The following MAPK10 variants were observed in gnomAD, a reference collection of about 807,000 sequenced individuals.
MAPK10 encodes the protein JNK3 alpha protein kinase.
Under a neutral mutation model 59.3 loss-of-function variants are expected in MAPK10, and 25 were observed. The ratio of observed to expected loss-of-function variants is 0.42; its 90% CI spans 0.31 to 0.59. The LOEUF is 0.59. Among genes scored for constraint, MAPK10 ranks in the 20% least tolerant of loss-of-function variants. The pLI, the probability that MAPK10 is intolerant of heterozygous loss-of-function variation, is 0.15. For synonymous variants in MAPK10, 190 were observed against 200.5 expected (o/e 0.95, Z 0.44); for missense variants, 351 against 568.9 (o/e 0.62, Z 3.90).
In MAPK10 at chr4:86,119,229, G is replaced by C. The variant is rs528087167; in HGVS notation, c.237-11877C>G. Among the ~76,000 whole-genome samples, 34 of 152,270 alleles carry C rather than the reference G, an allele frequency of 2.2e-4. No individual in the cohort carries two copies. The South Asian group carries it at 6.2e-3, about 28-fold the overall frequency. ...AAAGTAGGCTTATCAAAGTTTCAGA[G>C]ATGCACAGTGATTTTTGAGGGCCCT... On this transcript the variant is annotated intron_variant, in intron 4 of 13. Transcript: ENST00000641462.
intron 1 of MAPK10, among the ~76,000 whole-genome samples, chr4:86,470,800 T>C (rs1411031276): frequency 6.6e-6 from 1 of 152,206 alleles, no homozygotes; most frequent in African/African-American, 2.4e-5. Flanking sequence ...AAAAAATTAT[T>C]ATACAAGATA....
chr4:86,420,738 G>A (rs955165457), intron 1 of MAPK10, among the ~76,000 whole-genome samples: 3 of 152,232 alleles, frequency 2.0e-5, no homozygotes, highest in South Asian at 2.1e-4. Flanking sequence ...GCAGTGAGTC[G>A]AGATCACGCC....
At chr4:86,269,130 A>G (rs1175540787) in intron 2 of MAPK10, among the ~76,000 whole-genome samples, 2 of 152,188 alleles carry the variant, frequency 1.3e-5, no homozygotes, top group Non-Finnish European at 1.5e-5. Flanking sequence ...CCATGAGATA[A>G]AAAGATAAGT....
rs558423265 is a variant in MAPK10 at position 86,183,015 on chromosome 4, G to C, written c.66+11321C>G. 1.4e-4 allele frequency among the ~76,000 whole-genome samples: 21 copies of C among 152,080 alleles called. No individual in the cohort carries two copies. In the South Asian group the frequency reaches 4.4e-3, roughly 32 times the overall value. ...GAAAAATAACGACACCCTACACAAAGACTTTCTGTATTTTAAAAAATGGCT... is the reference window on the plus strand; with the variant it reads ...GAAAAATAACGACACCCTACACAAACACTTTCTGTATTTTAAAAAATGGCT... On this transcript the variant is annotated intron_variant, in intron 3 of 13. Transcript: ENST00000641462.
intron 11 of MAPK10, among the ~76,000 whole-genome samples, chr4:86,039,627 G>A (rs1354484785): frequency 1.3e-5 from 2 of 152,094 alleles, no homozygotes; most frequent in South Asian, 2.1e-4. Context: ...TCCAGCACTG[G>A]GCTGTCCCCT....
In MAPK10 at chr4:86,551,576, T is replaced by TTCTC. The variant is rs146552435; in HGVS notation, c.-263+42330_-263+42333dup. On this transcript the variant is annotated intron_variant, in intron 1 of 4. Transcript: ENST00000502302. ...CTTTCCTTCCTTCTTCTCTCTTTCTTTCTCTCTCTCTCTCTCTCTGTCTCT... is the reference window on the plus strand; with the variant it reads ...CTTTCCTTCCTTCTTCTCTCTTTCTTTCTCTCTCTCTCTCTCTCTCTCTGTCTCT... 9.3e-3 allele frequency among the ~76,000 whole-genome samples: 1,394 copies of TTCTC among 149,266 alleles called. 16 individuals carry two copies. Among genetic ancestry groups the TTCTC allele is most frequent in the African/African-American group, 0.032 (1,310 of 40,650 alleles).
chr4:86,230,594 T>C (rs190830170), intron 2 of MAPK10, among the ~76,000 whole-genome samples: 5 of 152,346 alleles, frequency 3.3e-5, no homozygotes, highest in African/African-American at 1.2e-4. Flanking sequence ...TAAGTAAATA[T>C]ATACAAATTA....
At chr4:86,421,949 C>G (rs1746595939) in intron 1 of MAPK10, among the ~76,000 whole-genome samples, 1 of 152,152 alleles carries the variant, frequency 6.6e-6, no homozygotes, top group Admixed American at 6.5e-5. Flanking sequence ...GCTCACTGTA[C>G]TCCAGCCTCA....
chr4:86,531,634 T>C (rs1364243730), intron 1 of MAPK10, among the ~76,000 whole-genome samples: 3 of 152,012 alleles, frequency 2.0e-5, no homozygotes, highest in Admixed American at 6.6e-5. Context: ...GGAGACGTAG[T>C]ATAGAAAGGG....
intron 1 of MAPK10, among the ~76,000 whole-genome samples, chr4:86,428,009 C>T (rs906424801): frequency 1.3e-5 from 2 of 152,138 alleles, no homozygotes; most frequent in African/African-American, 2.4e-5. Context: ...CTAGTATCAG[C>T]AACACCTTAT....
chr4:86,359,534 C>T (rs1314094647), intron 1 of MAPK10, 124 bp downstream of exon 1: 1 of 269,068 alleles, frequency 3.7e-6, no homozygotes, highest in African/African-American at 2.3e-5. Flanking sequence ...GATTAACCTG[C>T]TTTCCACCCC....
intron 9 of MAPK10, 183 bp downstream of exon 9, chr4:86,098,341 G>A (rs1294972311): frequency 7.5e-6 from 5 of 669,502 alleles, no homozygotes; most frequent in Non-Finnish European, 1.1e-5. Context: ...TTAATTAAAA[G>A]AAATCATTGT....
chr4:86,404,819 G>T (rs946106900), intron 1 of MAPK10, among the ~76,000 whole-genome samples: 11 of 152,150 alleles, frequency 7.2e-5, no homozygotes, highest in Non-Finnish European at 1.6e-4. Flanking sequence ...AGTAAGAGTT[G>T]TATAGCAGTT....
At chr4:86,237,625 CAT>C (rs1563434672) in intron 2 of MAPK10, among the ~76,000 whole-genome samples, 2 of 152,098 alleles carry the variant, frequency 1.3e-5, no homozygotes, top group South Asian at 2.1e-4. Flanking sequence ...AGCTTTTTTT[CAT>C]ATGTTTCTTG....
intron 1 of MAPK10, among the ~76,000 whole-genome samples, chr4:86,565,490 G>A (rs1284563202): frequency 6.6e-6 from 1 of 152,188 alleles, no homozygotes; most frequent in Non-Finnish European, 1.5e-5. Context: ...TATAATAATT[G>A]ATCCAACAAA....
chr4:86,020,550 A>C (rs1362116651), intron 13 of MAPK10: 2 of 171,276 alleles, frequency 1.2e-5, no homozygotes, highest in Non-Finnish European at 2.4e-5. Context: ...CACTGACTTC[A>C]AGATTGAAGC....
chr4:86,415,405 T>C (rs1445284268), intron 1 of MAPK10, among the ~76,000 whole-genome samples: 1 of 152,194 alleles, frequency 6.6e-6, no homozygotes, highest in Non-Finnish European at 1.5e-5. Context: ...AGTTCTCCTA[T>C]GAAAAACTGT....
At chr4:86,393,343 T>G (rs572822427) in intron 1 of MAPK10, among the ~76,000 whole-genome samples, 1,762 of 152,200 alleles carry the variant, frequency 0.012, 21 homozygotes, top group Non-Finnish European at 0.017. Context: ...TAGTTTTTTT[T>G]TTTTTAAGGA....
chr4:86,341,857 A>G (rs1325406131), intron 2 of MAPK10, among the ~76,000 whole-genome samples: 1 of 150,434 alleles, frequency 6.6e-6, no homozygotes, highest in Non-Finnish European at 1.5e-5. Flanking sequence ...CTGAGCACCT[A>G]ATGCTATGAG....
Sources: allele counts gnomAD v4.1 joint callset (sites outside exome capture counted in the v4.1 genomes callset), GRCh38; gene constraint gnomAD v4.1.1; transcripts MANE v1.5; gene names NCBI Gene and HGNC (gene_info 2026-07-23, HGNC 2026-07-21).